ANKRD30A: variants seen among roughly 807,000 people sequenced by gnomAD.
The protein encoded by ANKRD30A is ankyrin repeat domain-containing protein 30A.
In ANKRD30A, 170 loss-of-function variants were observed where a neutral mutation model predicts 166.3. That is an observed-to-expected ratio of 1.02 (90% CI 0.90 to 1.16). The LOEUF is 1.16. Ranked by LOEUF, ANKRD30A falls within the 50% of genes most tolerant of loss-of-function variation. ANKRD30A has a pLI of 0.00. For missense variants in ANKRD30A, 1,630 were observed against 1,518.0 expected, an observed-to-expected ratio of 1.07 and a Z score of -1.23; for synonymous variants, 564 against 508.9, an observed-to-expected ratio of 1.11 and a Z score of -1.46.
intron 29 of ANKRD30A, 98 bp downstream of exon 29, chr10:37,197,578 T>C: frequency 1.3e-6 from 2 of 1,557,402 alleles, no homozygotes; most frequent in Admixed American, 1.8e-5. Context: ...TCAACTTTGA[T>C]GATAAGTTTT....
intron 31 of ANKRD30A, among the ~76,000 whole-genome samples, chr10:37,205,648 G>A (rs1271481352): frequency 6.6e-6 from 1 of 152,182 alleles, no homozygotes; most frequent in African/African-American, 2.4e-5. Flanking sequence ...GGAAGACATT[G>A]GAGATGGAAT....
the ANKRD30A span, among the ~76,000 whole-genome samples, chr10:37,246,858 C>T: frequency 1.3e-5 from 2 of 152,106 alleles, no homozygotes; most frequent in Admixed American, 1.3e-4. Flanking sequence ...GCCAATAGCA[C>T]CTCATCATCA....
chr10:37,234,557 G>A (rs1843592562), downstream of ANKRD30A, among the ~76,000 whole-genome samples: 1 of 151,972 alleles, frequency 6.6e-6, no homozygotes, highest in African/African-American at 2.4e-5. Flanking sequence ...GTTTGAGATG[G>A]ATGTCTAAAT....
chr10:37,218,904 T>A (rs1842734794), intron 33 of ANKRD30A, 76 bp from the exon 34 acceptor site: 1 of 955,656 alleles, frequency 1.0e-6, no homozygotes, highest in Non-Finnish European at 1.6e-6. Context: ...ATGTACAAGT[T>A]ATTCTTTAGT....
At chr10:37,161,737 C>T (rs551644214) in intron 15 of ANKRD30A, among the ~76,000 whole-genome samples, 7 of 152,190 alleles carry the variant, frequency 4.6e-5, no homozygotes, top group South Asian at 2.1e-4. Flanking sequence ...TGTTGCTGTT[C>T]GCTATACAAA....
chr10:37,172,390 C>T (rs1330738906), intron 21 of ANKRD30A, among the ~76,000 whole-genome samples: 3 of 122,350 alleles, frequency 2.5e-5, no homozygotes, highest in Non-Finnish European at 5.3e-5. Flanking sequence ...TCTGGGTATG[C>T]TTTTAGCCAG....
At chr10:37,246,205 T>A in the ANKRD30A span, among the ~76,000 whole-genome samples, 1 of 152,338 alleles carries the variant, frequency 6.6e-6, no homozygotes, top group South Asian at 2.1e-4. Flanking sequence ...CAAAGTTTCA[T>A]TGTGAATCAA....
the ANKRD30A span, among the ~76,000 whole-genome samples, chr10:37,263,772 A>G: frequency 1.8e-3 from 275 of 152,212 alleles, no homozygotes; most frequent in African/African-American, 6.4e-3. Flanking sequence ...GTCTGGTACC[A>G]GTCCATGGCC....
At chr10:37,238,928 G>A in the ANKRD30A span, among the ~76,000 whole-genome samples, 1 of 152,088 alleles carries the variant, frequency 6.6e-6, no homozygotes, top group Non-Finnish European at 1.5e-5. Context: ...AGTCACAGAT[G>A]TGTTATGAAG....
intron 17 of ANKRD30A, among the ~76,000 whole-genome samples, chr10:37,164,816 G>A (rs1839181067): frequency 6.6e-6 from 1 of 152,068 alleles, no homozygotes; most frequent in South Asian, 2.1e-4. Flanking sequence ...TGTTTCACAG[G>A]AGAATAGGAT....
intron 25 of ANKRD30A, among the ~76,000 whole-genome samples, chr10:37,190,960 C>G (rs1322157056): frequency 6.6e-6 from 1 of 151,770 alleles, no homozygotes; most frequent in African/African-American, 2.4e-5. Context: ...TATGAAACCT[C>G]ATTAGCAAAT....
At chr10:37,153,743 A>C in intron 13 of ANKRD30A, 81 bp downstream of exon 13, 1 of 1,563,790 alleles carries the variant, frequency 6.4e-7, no homozygotes, top group Non-Finnish European at 8.7e-7. Context: ...CTAGTAGCTG[A>C]AGAAAATTAC....
intron 1 of ANKRD30A, among the ~76,000 whole-genome samples, chr10:37,129,509 A>G (rs1189656367): frequency 6.6e-6 from 1 of 152,202 alleles, no homozygotes; most frequent in South Asian, 2.1e-4. Flanking sequence ...GAACTCTTCA[A>G]AATACTTTGC....
In ANKRD30A at chr10:37,130,302, A is replaced by T. The variant is rs1312033481; in HGVS notation, c.434A>T (p.Tyr145Phe). 1 of 1,604,748 alleles carries T rather than the reference A, an allele frequency of 6.2e-7. No individual in the cohort carries two copies. The highest frequency in any genetic ancestry group is 1.3e-5 in the African/African-American group (1 of 74,126). Reference protein sequence around the residue: ...VDVYGNTALHYAVYSEILSVV... With the variant: ...VDVYGNTALHFAVYSEILSVV... ...GTGTATGGCAACACGGCTCTCCATT[A>T]TGCTGTTTATAGTGAGATTTTGTCA... The change falls in exon 3 of 36, where the codon TAT (tyrosine) becomes TTT (phenylalanine). Residue 145 changes from tyrosine (Y) to phenylalanine (F), a missense_variant. Physicochemically the swap from Tyr to Phe is conservative, Grantham distance 22. Transcript: ENST00000361713.
intron 21 of ANKRD30A, among the ~76,000 whole-genome samples, chr10:37,172,162 G>A (rs1431991973): frequency 1.0e-5 from 1 of 99,702 alleles, no homozygotes; most frequent in African/African-American, 4.3e-5. Context: ...TGACTAACGC[G>A]GTGAAACCCT....
intron 30 of ANKRD30A, 145 bp downstream of exon 30, chr10:37,199,933 A>ATC: frequency 2.0e-6 from 1 of 502,714 alleles, no homozygotes; most frequent in Non-Finnish European, 3.7e-6. Flanking sequence ...TTAATAGAGA[A>ATC]TCTATGTGCT....
At chr10:37,245,502 A>C in the ANKRD30A span, among the ~76,000 whole-genome samples, 1 of 152,078 alleles carries the variant, frequency 6.6e-6, no homozygotes, top group African/African-American at 2.4e-5. Context: ...TTGTAATGGG[A>C]AAACAATATA....
chr10:37,171,109 C>G (rs1460494442), intron 21 of ANKRD30A, among the ~76,000 whole-genome samples: 5 of 87,682 alleles, frequency 5.7e-5, no homozygotes, highest in Admixed American at 5.1e-4. Context: ...CGGCCGATGT[C>G]TGAAATTTTC....
intron 15 of ANKRD30A, 108 bp downstream of exon 15, chr10:37,158,694 G>T (rs1183661513): frequency 1.4e-6 from 2 of 1,442,184 alleles, no homozygotes; most frequent in Non-Finnish European, 1.9e-6. Flanking sequence ...AATTTGATGG[G>T]ATATTTTGAT....
Sources: allele counts gnomAD v4.1 joint callset (sites outside exome capture counted in the v4.1 genomes callset), GRCh38; gene constraint gnomAD v4.1.1; transcripts MANE v1.5; gene names NCBI Gene and HGNC (gene_info 2026-07-23, HGNC 2026-07-21).